The following HMGN3 variants were observed in gnomAD, a reference collection of about 807,000 sequenced individuals.
HMGN3 encodes high mobility group nucleosome-binding domain-containing protein 3.
Under a neutral mutation model 18.8 loss-of-function variants are expected in HMGN3, and 6 were observed. The ratio of observed to expected loss-of-function variants is 0.32; its 90% CI spans 0.18 to 0.63. The LOEUF (loss-of-function observed/expected upper bound fraction) is 0.63, where lower values mean the gene tolerates loss of function less well. Among genes scored for constraint, HMGN3 ranks in the 30% least tolerant of loss-of-function variants. The pLI is 0.79. For missense variants in HMGN3, 107 were observed against 114.2 expected, an observed-to-expected ratio of 0.94 and a Z score of 0.29; for synonymous variants, 40 against 36.5, an observed-to-expected ratio of 1.10 and a Z score of -0.35.
intron 1 of HMGN3, among the ~76,000 whole-genome samples, chr6:79,215,974 A>G (rs1776962793): frequency 6.6e-6 from 1 of 152,196 alleles, no homozygotes; most frequent in African/African-American, 2.4e-5. Flanking sequence ...GCAAACTGAC[A>G]TTTGACACGA....
chr6:79,210,351 C>T lies in HMGN3; in HGVS notation c.67-1775G>A, dbSNP rs146784956. On this transcript the variant is annotated intron_variant, in intron 2 of 5. Transcript: ENST00000344726. ...AGGACTATCCATGTCTCATAAACTACAGCAGGCAGAACAATACCTTCCAAG... is the reference window on the plus strand; with the variant it reads ...AGGACTATCCATGTCTCATAAACTATAGCAGGCAGAACAATACCTTCCAAG... Among the ~76,000 whole-genome samples the T allele has an allele frequency of 4.8e-3, 737 of 152,226 alleles. 5 individuals are homozygous for T. The highest frequency in any genetic ancestry group is 0.015 in the African/African-American group (634 of 41,528).
chr6:79,206,058 A>T lies in HMGN3; in HGVS notation c.97-2428T>A, dbSNP rs538261933. Reference sequence around the variant, plus strand: ...GGAAAAAATTTCAAAGCAGAAAAGCATTCAAGAGGTGACTTGGGTGCTGTT... The same window carrying T: ...GGAAAAAATTTCAAAGCAGAAAAGCTTTCAAGAGGTGACTTGGGTGCTGTT... On this transcript the variant is annotated intron_variant, in intron 3 of 5. Transcript: ENST00000344726. Among the ~76,000 whole-genome samples the T allele has an allele frequency of 2.2e-3, 342 of 152,364 alleles. 3 individuals are homozygous for T. Among genetic ancestry groups the T allele is most frequent in the Non-Finnish European group, 3.0e-3 (202 of 68,044 alleles).
At chr6:79,215,981 A>T (rs1776963499) in intron 1 of HMGN3, among the ~76,000 whole-genome samples, 1 of 152,228 alleles carries the variant, frequency 6.6e-6, no homozygotes, top group African/African-American at 2.4e-5. Context: ...GACATTTGAC[A>T]CGATGTTTGG....
intron 5 of HMGN3, 96 bp downstream of exon 6, chr6:79,201,967 C>T: frequency 6.8e-7 from 1 of 1,462,036 alleles, no homozygotes; most frequent in Admixed American, 2.7e-5. Flanking sequence ...TACCTGCAAG[C>T]TCCCACTCTT....
chr6:79,203,659 A>G (rs1776264004), intron 3 of HMGN3, 29 bp from the exon 4 acceptor site: 2 of 1,402,748 alleles, frequency 1.4e-6, no homozygotes, highest in Non-Finnish European at 1.9e-6. Flanking sequence ...TTACACAAAT[A>G]CTGAAAAAAA....
chr6:79,223,658 G>A (rs1260296285), intron 1 of HMGN3, among the ~76,000 whole-genome samples: 1 of 152,142 alleles, frequency 6.6e-6, no homozygotes, highest in East Asian at 1.9e-4. Flanking sequence ...CTGCACTCTA[G>A]CCTGTCTTGT....
intron 2 of HMGN3, among the ~76,000 whole-genome samples, 175 bp from the exon 3 acceptor site, chr6:79,208,751 G>T (rs1776542331): frequency 6.6e-6 from 1 of 152,186 alleles, no homozygotes; most frequent in African/African-American, 2.4e-5. Flanking sequence ...TGGGCACGAT[G>T]ACACTCAAGA....
At chr6:79,208,467 C>T (rs1036817531) in intron 3 of HMGN3, 80 bp downstream of exon 3, 48 of 1,185,596 alleles carry the variant, frequency 4.0e-5, no homozygotes, top group Middle Eastern at 3.8e-4. Flanking sequence ...CCATGTTAAT[C>T]TTCCTTTTGC....
intron 3 of HMGN3, among the ~76,000 whole-genome samples, chr6:79,206,729 C>T (rs906645460): frequency 5.9e-5 from 9 of 152,192 alleles, no homozygotes; most frequent in African/African-American, 2.2e-4. Context: ...GCCCTCCAGA[C>T]CCCAGAATGG....
intron 2 of HMGN3, among the ~76,000 whole-genome samples, chr6:79,209,811 G>A (rs761856021): frequency 2.6e-5 from 4 of 152,170 alleles, no homozygotes; most frequent in Admixed American, 2.6e-4. Context: ...AGCCAGAGAA[G>A]CTAAACTCAT....
chr6:79,216,107 G>A (rs553624513), intron 1 of HMGN3, among the ~76,000 whole-genome samples: 1 of 152,142 alleles, frequency 6.6e-6, no homozygotes, highest in Non-Finnish European at 1.5e-5. Context: ...TAATATAATC[G>A]TTTCAAAGAA....
At chr6:79,208,091 T>C (rs1436780571) in intron 3 of HMGN3, among the ~76,000 whole-genome samples, 2 of 152,148 alleles carry the variant, frequency 1.3e-5, no homozygotes, top group African/African-American at 2.4e-5. Flanking sequence ...AATAGCAAAG[T>C]AGAATTATTA....
At chr6:79,216,630 A>G (rs1776997099) in intron 1 of HMGN3, among the ~76,000 whole-genome samples, 1 of 152,176 alleles carries the variant, frequency 6.6e-6, no homozygotes, top group Non-Finnish European at 1.5e-5. Context: ...GAACCTTCTC[A>G]ATTATGAAGA....
At chr6:79,228,575 A>G (rs1040122714) in intron 1 of HMGN3, among the ~76,000 whole-genome samples, 6 of 152,238 alleles carry the variant, frequency 3.9e-5, no homozygotes, top group Non-Finnish European at 2.9e-5. Flanking sequence ...TTATTTTTGT[A>G]GAAATGTATA....
intron 2 of HMGN3, among the ~76,000 whole-genome samples, chr6:79,209,695 G>A (rs747370087): frequency 2.9e-4 from 44 of 152,196 alleles, no homozygotes; most frequent in Non-Finnish European, 5.7e-4. Context: ...GAGGAATCAT[G>A]GAATTCTTGA....
Position 79,209,078 on chromosome 6 carries a change from A to C in HMGN3, c.67-502T>G, listed in dbSNP as rs187265902. Among the ~76,000 whole-genome samples, 15 of 152,344 alleles carry C rather than the reference A, an allele frequency of 9.8e-5. 1 individual carries two copies. The South Asian group carries it at 2.9e-3, about 29-fold the overall frequency. On this transcript the variant is annotated intron_variant, in intron 2 of 5. Coordinates refer to ENST00000344726, the Ensembl canonical transcript of HMGN3. The stretch of plus-strand genomic sequence containing the variant: ...TATGTTAGAAATGAAAATGACTACA[A>C]ATCTTGGCAGTTAACAAGAAAGGCT...
chr6:79,224,852 G>A (rs13209338), intron 1 of HMGN3, among the ~76,000 whole-genome samples: 10,240 of 152,118 alleles, frequency 0.067, 367 homozygotes, highest in South Asian at 0.1. Context: ...CTGTTTGCTC[G>A]GACATACATT....
chr6:79,229,669 A>G (rs1290914522), intron 1 of HMGN3, among the ~76,000 whole-genome samples: 1 of 152,204 alleles, frequency 6.6e-6, no homozygotes, highest in Non-Finnish European at 1.5e-5. Flanking sequence ...CGAGGTCAGG[A>G]GATCAAGACC....
intron 1 of HMGN3, chr6:79,233,673 T>C (rs180713328): frequency 2.6e-5 from 4 of 152,242 alleles, no homozygotes; most frequent in Non-Finnish European, 5.9e-5. Flanking sequence ...TCCCTGAATG[T>C]AGTAGTTGGT....
Sources: gnomAD v4.1 joint callset for allele counts (sites outside exome capture counted in the v4.1 genomes callset) on GRCh38, gnomAD v4.1.1 for gene constraint, MANE v1.5 for transcripts, NCBI Gene and HGNC (gene_info 2026-07-23, HGNC 2026-07-21) for gene names.